EXOC4: variants seen among roughly 807,000 people sequenced by gnomAD.
The protein encoded by EXOC4 is SEC8-like 1.
EXOC4 carries 71 observed loss-of-function variants against 107.2 expected under a neutral mutation model. That is an observed-to-expected ratio of 0.66 (90% confidence interval 0.55 to 0.81). The LOEUF is 0.81. Among genes scored for constraint, EXOC4 ranks in the 30% least tolerant of loss-of-function variants. The pLI is 0.00. For synonymous variants in EXOC4, 456 were observed against 441.2 expected (o/e 1.03, Z -0.42); for missense variants, 1,108 against 1,189.6 (o/e 0.93, Z 1.01).
chr7:134,005,754 A>C (rs1794630491), intron 16 of EXOC4, among the ~76,000 whole-genome samples: 1 of 152,190 alleles, frequency 6.6e-6, no homozygotes, highest in Non-Finnish European at 1.5e-5. Flanking sequence ...TGTTTGTATG[A>C]AAACTTGTAT....
At position 133,283,670 on chromosome 7, in the gene EXOC4, G is replaced by A. The variant is rs534047353; in HGVS notation, c.277-5252G>A. Among the ~76,000 whole-genome samples, 7 of 152,262 alleles carry A rather than the reference G, an allele frequency of 4.6e-5. No homozygotes were observed. In the South Asian group the frequency reaches 1.2e-3, roughly 27 times the overall value. ...TACAGTAAAATGCCATATTTTCAGAGTGCAGTGCAATGAGTTTTGGCAAAG... is the reference window on the plus strand; with the variant it reads ...TACAGTAAAATGCCATATTTTCAGAATGCAGTGCAATGAGTTTTGGCAAAG... On this transcript the variant is annotated intron_variant, in intron 2 of 17. Coordinates refer to ENST00000253861, the MANE Select transcript of EXOC4 (RefSeq NM_021807.4).
At chr7:133,918,460 A>T (rs1799861594) in intron 13 of EXOC4, among the ~76,000 whole-genome samples, 1 of 152,192 alleles carries the variant, frequency 6.6e-6, no homozygotes, top group African/African-American at 2.4e-5. Context: ...ATATGTTATG[A>T]TTGTTCTTAA....
chr7:134,085,570 A>AC, the EXOC4 span, among the ~76,000 whole-genome samples: 1 of 152,228 alleles, frequency 6.6e-6, no homozygotes, highest in Admixed American at 6.5e-5. Context: ...CACTGGAGGT[A>AC]TAACCTGGAT....
At chr7:134,075,605 A>G in the EXOC4 span, among the ~76,000 whole-genome samples, 1 of 152,218 alleles carries the variant, frequency 6.6e-6, no homozygotes, top group Admixed American at 6.5e-5. Context: ...CCCATGATTC[A>G]GTCATCTCCT....
At chr7:134,017,360 G>T (rs1177611053) in intron 17 of EXOC4, among the ~76,000 whole-genome samples, 1 of 151,958 alleles carries the variant, frequency 6.6e-6, no homozygotes, top group African/African-American at 2.4e-5. Flanking sequence ...ATTTTCCTAG[G>T]GGCCAGAGTA....
intron 10 of EXOC4, among the ~76,000 whole-genome samples, chr7:133,689,662 A>G (rs1008047736): frequency 1.3e-5 from 2 of 152,224 alleles, no homozygotes; most frequent in East Asian, 3.8e-4. Context: ...TCAGATATTC[A>G]GGGTGAGGGA....
At chr7:133,595,520 T>G (rs1801647174) in intron 9 of EXOC4, among the ~76,000 whole-genome samples, 1 of 152,246 alleles carries the variant, frequency 6.6e-6, no homozygotes, top group South Asian at 2.1e-4. Flanking sequence ...TTTGTGTGTT[T>G]GTATGTCAGA....
chr7:133,612,597 A>T (rs186603170), intron 9 of EXOC4, among the ~76,000 whole-genome samples: 78 of 152,286 alleles, frequency 5.1e-4, no homozygotes, highest in African/African-American at 1.9e-3. Context: ...TGGATTAGGC[A>T]TGTATTTTAA....
At chr7:133,524,922 T>C (rs991676283) in intron 9 of EXOC4, among the ~76,000 whole-genome samples, 1 of 152,180 alleles carries the variant, frequency 6.6e-6, no homozygotes, top group Non-Finnish European at 1.5e-5. Flanking sequence ...ATCTCTTATA[T>C]AGAGATCCAA....
chr7:133,356,445 A>T lies in EXOC4; in HGVS notation c.879A>T (p.Pro293=). Residue 293 remains proline (P), a synonymous_variant, in exon 6 of 18, where the codon CCA becomes CCT. Transcript: ENST00000253861. ...IKGLAKLKKI[P]ETVKAIIERL... ...GCTTGGCGAAACTGAAGAAGATCCC[A>T]GAAACAGTTAAGGCAATCATAGAGC... 6.2e-7 allele frequency: 1 copy of T among 1,614,208 alleles called. No homozygotes were observed. The highest frequency in any genetic ancestry group is 8.5e-7 in the Non-Finnish European group (1 of 1,180,030).
At chr7:133,958,957 A>G (rs1800877776) in intron 14 of EXOC4, among the ~76,000 whole-genome samples, 1 of 152,246 alleles carries the variant, frequency 6.6e-6, no homozygotes, top group Non-Finnish European at 1.5e-5. Flanking sequence ...ATCCAGGAAT[A>G]TAACTTCAGA....
chr7:133,425,672 C>G (rs779656443), intron 7 of EXOC4, among the ~76,000 whole-genome samples: 3 of 152,146 alleles, frequency 2.0e-5, no homozygotes, highest in Non-Finnish European at 4.4e-5. Flanking sequence ...TTATACCTCT[C>G]CAGCATTAAC....
intron 11 of EXOC4, among the ~76,000 whole-genome samples, chr7:133,885,272 C>T (rs947251573): frequency 6.6e-6 from 1 of 150,790 alleles, no homozygotes; most frequent in African/African-American, 2.4e-5. Context: ...CAAGATCGCG[C>T]TGCTGCACTC....
intron 9 of EXOC4, among the ~76,000 whole-genome samples, chr7:133,579,144 A>T (rs897389615): frequency 1.5e-4 from 23 of 152,286 alleles, no homozygotes; most frequent in African/African-American, 5.5e-4. Flanking sequence ...ATTCATGGTC[A>T]ATTAAAATAT....
At position 134,065,680 on chromosome 7, in the gene EXOC4, G is replaced by T. The variant is rs1796165282; in HGVS notation, c.*1152G>T. ...CACAGTGATGCCTCACACCCTGAAG[G>T]TGGGGGATTTTGTACCTGTTTGTAC... On this transcript the variant is annotated 3_prime_UTR_variant, in exon 18 of 18. Transcript: ENST00000253861. The T allele has an allele frequency of 6.6e-6, 1 of 152,262 alleles. No homozygotes were observed. The allele number at this position is 152,262 out of a possible 1,614,324, so 9.4% of individuals were successfully genotyped here.
intron 2 of EXOC4, among the ~76,000 whole-genome samples, chr7:133,278,200 G>A (rs1036656184): frequency 1.3e-5 from 2 of 152,162 alleles, no homozygotes; most frequent in Non-Finnish European, 2.9e-5. Context: ...AATAGATAAC[G>A]TTGAACAACA....
At chr7:133,958,549 T>G (rs1800869277) in intron 14 of EXOC4, among the ~76,000 whole-genome samples, 1 of 152,210 alleles carries the variant, frequency 6.6e-6, no homozygotes, top group Non-Finnish European at 1.5e-5. Flanking sequence ...CTTCTCTTTC[T>G]TTTTCTTAAA....
chr7:133,834,880 G>A (rs1797885552), intron 11 of EXOC4, among the ~76,000 whole-genome samples: 1 of 152,166 alleles, frequency 6.6e-6, no homozygotes, highest in African/African-American at 2.4e-5. Context: ...CCAGTGGGAG[G>A]TGATTGAATT....
At chr7:133,811,188 A>C (rs2151207361) in intron 10 of EXOC4, among the ~76,000 whole-genome samples, 1 of 151,724 alleles carries the variant, frequency 6.6e-6, no homozygotes, top group African/African-American at 2.4e-5. Flanking sequence ...GGGATAGGAA[A>C]CCCCTGGTAT....
Sources: gnomAD v4.1 joint callset for allele counts (sites outside exome capture counted in the v4.1 genomes callset) on GRCh38, gnomAD v4.1.1 for gene constraint, MANE v1.5 for transcripts, NCBI Gene and HGNC (gene_info 2026-07-23, HGNC 2026-07-21) for gene names.